The following ALK variants were observed in gnomAD, a reference collection of about 807,000 sequenced individuals.
ALK encodes ALK tyrosine kinase receptor.
ALK carries 74 observed loss-of-function variants against 163.1 expected under a neutral mutation model. That is an observed-to-expected ratio of 0.45 (90% CI 0.38 to 0.55). ALK has a LOEUF of 0.55. ALK is among the 20% of genes least tolerant of loss of function. The pLI is 0.00. For synonymous variants in ALK, 960 were observed against 843.2 expected (o/e 1.14, Z -2.40); for missense variants, 2,063 against 2,105.3 (o/e 0.98, Z 0.39).
At chr2:29,298,989 T>C (rs1436237419) in intron 8 of ALK, among the ~76,000 whole-genome samples, 1 of 152,248 alleles carries the variant, frequency 6.6e-6, no homozygotes, top group Non-Finnish European at 1.5e-5. Context: ...TTTCATCCTC[T>C]GGGCTCCTCT....
intron 1 of ALK, among the ~76,000 whole-genome samples, chr2:29,919,279 CT>C (rs1667919157): frequency 6.6e-6 from 1 of 152,146 alleles, no homozygotes; most frequent in South Asian, 2.1e-4. Context: ...TTCTCCCTGG[CT>C]TCATAGTGAC....
intron 4 of ALK, among the ~76,000 whole-genome samples, chr2:29,525,781 G>C (rs1361034048): frequency 1.1e-5 from 1 of 88,242 alleles, no homozygotes; most frequent in East Asian, 3.7e-4. Context: ...ACAAGAGCAA[G>C]ACTCCATCTC....
rs1210049151 is a variant in ALK at position 29,917,201 on chromosome 2, C to T, written c.667+2792G>A. Among the ~76,000 whole-genome samples the T allele has an allele frequency of 2.0e-5, 3 of 152,222 alleles. No homozygotes were observed. In the East Asian group the frequency reaches 5.8e-4, roughly 29 times the overall value. On this transcript the variant is annotated intron_variant, in intron 1 of 28. Coordinates refer to ENST00000389048, the MANE Select transcript of ALK (RefSeq NM_004304.5). ...CTGAGCCAAATGGGCTGCTCCAGGC[C>T]CCTCACCACAAAACATGGAAGAACA...
chr2:29,262,162 C>T (rs1176612374), intron 11 of ALK, among the ~76,000 whole-genome samples: 2 of 152,188 alleles, frequency 1.3e-5, no homozygotes, highest in Non-Finnish European at 2.9e-5. Context: ...ATAAGTCATG[C>T]AATCATGTAG....
chr2:29,253,879 GATA>G (rs1558639923), intron 11 of ALK, among the ~76,000 whole-genome samples: 2,760 of 151,952 alleles, frequency 0.018, 91 homozygotes, highest in African/African-American at 0.063. Context: ...TAGATAGATA[GATA>G]GATAGATAGA....
At chr2:29,544,590 A>C (rs940671747) in intron 3 of ALK, among the ~76,000 whole-genome samples, 19 of 152,110 alleles carry the variant, frequency 1.2e-4, no homozygotes, top group African/African-American at 4.6e-4. Flanking sequence ...AAGGAGAAAC[A>C]ACATATCCTT....
At chr2:29,322,567 C>T (rs1667093456) in intron 6 of ALK, among the ~76,000 whole-genome samples, 1 of 152,256 alleles carries the variant, frequency 6.6e-6, no homozygotes, top group Non-Finnish European at 1.5e-5. Flanking sequence ...GGCACGGTGG[C>T]TCACGCCTGC....
chr2:29,891,772 G>GGGCT (rs1667154277), intron 1 of ALK, among the ~76,000 whole-genome samples: 1 of 152,142 alleles, frequency 6.6e-6, no homozygotes, highest in South Asian at 2.1e-4. Flanking sequence ...GGAGCTGAAG[G>GGGCT]GGCTGATAAG....
intron 4 of ALK, among the ~76,000 whole-genome samples, chr2:29,456,386 A>G (rs1434640995): frequency 6.6e-6 from 1 of 152,216 alleles, no homozygotes; most frequent in African/African-American, 2.4e-5. Context: ...TCAGCCTTAA[A>G]GAGGAAAAAA....
intron 9 of ALK, among the ~76,000 whole-genome samples, chr2:29,279,982 C>G (rs1306231809): frequency 6.6e-6 from 1 of 151,950 alleles, no homozygotes; most frequent in Non-Finnish European, 1.5e-5. Flanking sequence ...CTGGTATGTA[C>G]CAGGTAGACT....
At chr2:29,725,078 G>A (rs1308019628) in intron 1 of ALK, among the ~76,000 whole-genome samples, 1 of 137,754 alleles carries the variant, frequency 7.3e-6, no homozygotes, top group African/African-American at 2.8e-5. Context: ...GCACAACAGT[G>A]AGGAATATTA....
At chr2:29,823,091 G>A (rs1665093677) in intron 1 of ALK, among the ~76,000 whole-genome samples, 1 of 152,186 alleles carries the variant, frequency 6.6e-6, no homozygotes, top group Non-Finnish European at 1.5e-5. Flanking sequence ...CTGTTCTCCT[G>A]ATAGTGAATA....
intron 1 of ALK, among the ~76,000 whole-genome samples, chr2:29,898,338 A>G (rs915672894): frequency 6.6e-6 from 1 of 152,240 alleles, no homozygotes; most frequent in African/African-American, 2.4e-5. Context: ...AAGGGAGAGT[A>G]CCCAACTCAC....
chr2:29,481,830 C>G (rs1287642241), intron 4 of ALK, among the ~76,000 whole-genome samples: 2 of 152,130 alleles, frequency 1.3e-5, no homozygotes, highest in Non-Finnish European at 2.9e-5. Flanking sequence ...ACTTTACATT[C>G]AGGAAAGAGG....
At chr2:29,207,099 G>A in intron 26 of ALK, 72 bp downstream of exon 26, 2 of 1,195,398 alleles carry the variant, frequency 1.7e-6, no homozygotes, top group Middle Eastern at 2.2e-4. Context: ...CCGGCTTAGA[G>A]TATAGAGTCC....
chr2:29,563,830 A>T (rs1466917940), intron 3 of ALK, among the ~76,000 whole-genome samples: 1 of 152,222 alleles, frequency 6.6e-6, no homozygotes, highest in Non-Finnish European at 1.5e-5. Flanking sequence ...GATAAGGAGC[A>T]TACACACAAG....
At chr2:29,581,999 G>A (rs765216934) in intron 3 of ALK, among the ~76,000 whole-genome samples, 4 of 152,220 alleles carry the variant, frequency 2.6e-5, no homozygotes, top group Non-Finnish European at 2.9e-5. Context: ...CCTTCCTTGC[G>A]TGCAGACTCA....
intron 3 of ALK, among the ~76,000 whole-genome samples, chr2:29,621,759 A>G (rs896726705): frequency 5.2e-4 from 79 of 152,330 alleles, no homozygotes; most frequent in African/African-American, 1.7e-3. Flanking sequence ...TGACCCCCTC[A>G]AGAATTCAAT....
At chr2:29,344,357 A>G (rs1168736864) in intron 5 of ALK, among the ~76,000 whole-genome samples, 1 of 152,220 alleles carries the variant, frequency 6.6e-6, no homozygotes. Flanking sequence ...GATGGAAGCC[A>G]CCACATAACT....
Sources: allele counts gnomAD v4.1 joint callset (sites outside exome capture counted in the v4.1 genomes callset), GRCh38; gene constraint gnomAD v4.1.1; transcripts MANE v1.5; gene names NCBI Gene and HGNC (gene_info 2026-07-23, HGNC 2026-07-21).